LRCH1: variants seen among roughly 807,000 people sequenced by gnomAD.
The protein encoded by LRCH1 is leucine-rich repeat and calponin homology domain-containing protein 1.
A neutral mutation model predicts 94.9 loss-of-function variants in LRCH1; 23 were observed. That is an observed-to-expected ratio of 0.24 (90% CI 0.17 to 0.34). LRCH1 has a LOEUF of 0.34. Among genes scored for constraint, LRCH1 ranks in the 10% least tolerant of loss-of-function variants. The probability of loss-of-function intolerance (pLI) is 1.00; values close to 1 mark genes in which losing one functional copy is unlikely to be tolerated. For synonymous variants in LRCH1, 364 were observed against 354.9 expected (o/e 1.03, Z -0.29); for missense variants, 790 against 945.9 (o/e 0.84, Z 2.16).
At chr13:46,681,526 C>T (rs1012333050) in intron 3 of LRCH1, among the ~76,000 whole-genome samples, 3 of 152,110 alleles carry the variant, frequency 2.0e-5, no homozygotes, top group African/African-American at 7.2e-5. Context: ...CTACTAATGT[C>T]CACCCTTTCT....
chr13:46,565,812 AAATAATAATAATAAT>A (rs3068690), intron 1 of LRCH1, among the ~76,000 whole-genome samples: 24 of 140,146 alleles, frequency 1.7e-4, no homozygotes, highest in African/African-American at 2.4e-4. Context: ...TCTGTCTCCA[AAATAATAATAATAAT>A]AATAATAATA....
exon 19 of LRCH1, chr13:46,750,740 C>T (rs1173875815): frequency 1.2e-6 from 1 of 807,306 alleles, no homozygotes; most frequent in Non-Finnish European, 2.0e-6. Flanking sequence ...CTCTCTCCCA[C>T]CCACTGCCTG....
intron 1 of LRCH1, among the ~76,000 whole-genome samples, chr13:46,580,712 T>C (rs894566327): frequency 6.6e-6 from 1 of 152,184 alleles, no homozygotes; most frequent in African/African-American, 2.4e-5. Context: ...AGTGGAGAAA[T>C]GTGTCACTTG....
chr13:46,607,202 C>T (rs1489248577), intron 1 of LRCH1, among the ~76,000 whole-genome samples: 2 of 152,210 alleles, frequency 1.3e-5, no homozygotes, highest in African/African-American at 4.8e-5. Context: ...TGGCTGTTAA[C>T]TTGCCCTGTA....
chr13:46,656,323 A>C (rs973260839), intron 2 of LRCH1, among the ~76,000 whole-genome samples: 1 of 152,226 alleles, frequency 6.6e-6, no homozygotes, highest in African/African-American at 2.4e-5. Context: ...ATTGTAGGCT[A>C]GTGTTTCTTC....
chr13:46,644,959 A>C (rs1010584294), intron 1 of LRCH1, among the ~76,000 whole-genome samples: 6 of 152,186 alleles, frequency 3.9e-5, no homozygotes, highest in Admixed American at 6.5e-5. Context: ...AGCTAGCAGG[A>C]CTAATCTCAT....
At position 46,712,612 on chromosome 13, in the gene LRCH1, C is replaced by T; in HGVS notation, c.1654+15C>T. Reference sequence around the variant, plus strand: ...GCCTCGATCAGGTAAATGAAAACCTCAGCCCATTCTTACACTAAATAACTC... The same window carrying T: ...GCCTCGATCAGGTAAATGAAAACCTTAGCCCATTCTTACACTAAATAACTC... On this transcript the variant is annotated intron_variant, in intron 15 of 19. Coordinates refer to ENST00000389797, the MANE Select transcript of LRCH1 (RefSeq NM_001164211.2). 1 of 1,610,444 alleles carries T rather than the reference C, an allele frequency of 6.2e-7. No individual in the cohort carries two copies.
At chr13:46,638,823 G>A (rs186324042) in intron 1 of LRCH1, among the ~76,000 whole-genome samples, 1 of 152,268 alleles carries the variant, frequency 6.6e-6, no homozygotes, top group East Asian at 1.9e-4. Flanking sequence ...AATCACATAC[G>A]TGGACGTGCT....
At chr13:46,718,327 A>G (rs1472761144) in intron 16 of LRCH1, among the ~76,000 whole-genome samples, 1 of 152,216 alleles carries the variant, frequency 6.6e-6, no homozygotes, top group African/African-American at 2.4e-5. Flanking sequence ...TTTTTACAGT[A>G]ATCTTGCACT....
At chr13:46,699,032 A>G (rs1414939136) in intron 9 of LRCH1, among the ~76,000 whole-genome samples, 3 of 152,220 alleles carry the variant, frequency 2.0e-5, no homozygotes, top group Non-Finnish European at 4.4e-5. Flanking sequence ...GACACCTCAT[A>G]TAAGTGTAAT....
chr13:46,691,188 G>C (rs979559356), intron 7 of LRCH1, among the ~76,000 whole-genome samples: 1 of 152,172 alleles, frequency 6.6e-6, no homozygotes, highest in Non-Finnish European at 1.5e-5. Context: ...TTGAGATTTG[G>C]AAAGCTATTT....
intron 1 of LRCH1, among the ~76,000 whole-genome samples, chr13:46,583,422 T>C (rs995649389): frequency 4.6e-5 from 7 of 152,262 alleles, no homozygotes; most frequent in African/African-American, 1.7e-4. Context: ...TGATTGGGTA[T>C]GTCATAGCGT....
chr13:46,629,286 A>G lies in LRCH1; in HGVS notation c.308-20915A>G, dbSNP rs187494706. On this transcript the variant is annotated intron_variant, in intron 1 of 19. Transcript: ENST00000389797. ...ACCAAAGAACACTGATTGTCTTCTC[A>G]GGGTTTGTAGCCCATTTCTGTTTTT... 4.8e-4 allele frequency among the ~76,000 whole-genome samples: 68 copies of G among 142,124 alleles called. 1 individual carries two copies. In the East Asian group the frequency reaches 0.013, roughly 27 times the overall value. 93.2% of individuals were successfully genotyped at this position (142,124 alleles called of 152,430 possible). A position where few individuals can be genotyped will look rare whatever the true frequency, so the allele number is the denominator to read the frequency against.
chr13:46,563,932 A>C (rs1027961858), intron 1 of LRCH1, among the ~76,000 whole-genome samples: 2 of 152,102 alleles, frequency 1.3e-5, no homozygotes, highest in Non-Finnish European at 2.9e-5. Context: ...TGACATTGGG[A>C]TGAAGGGAAG....
chr13:46,715,871 A>G (rs1191728477), intron 16 of LRCH1, among the ~76,000 whole-genome samples: 1 of 152,030 alleles, frequency 6.6e-6, no homozygotes, highest in Non-Finnish European at 1.5e-5. Context: ...AATTAACTTG[A>G]CTATTCTGGA....
chr13:46,695,100 C>A, intron 9 of LRCH1, 83 bp downstream of exon 9: 1 of 1,516,426 alleles, frequency 6.6e-7, no homozygotes, highest in Non-Finnish European at 9.0e-7. Context: ...GGTTGCCAAT[C>A]CATCCCCTTC....
chr13:46,597,074 G>A (rs2050572121), intron 1 of LRCH1, among the ~76,000 whole-genome samples: 1 of 152,164 alleles, frequency 6.6e-6, no homozygotes, highest in African/African-American at 2.4e-5. Context: ...TGGCCTACTT[G>A]CTAAAATGTA....
At chr13:46,747,941 T>C (rs1873977946), downstream of LRCH1, among the ~76,000 whole-genome samples, 1 of 152,126 alleles carries the variant, frequency 6.6e-6, no homozygotes, top group Non-Finnish European at 1.5e-5. Context: ...GGGGTCTCAC[T>C]ATGTTGACCA....
intron 1 of LRCH1, among the ~76,000 whole-genome samples, chr13:46,567,855 G>A (rs2050201577): frequency 6.6e-6 from 1 of 152,142 alleles, no homozygotes. Flanking sequence ...TGCACCATGG[G>A]AGTTCTGAGA....
Sources: gnomAD v4.1 joint callset for allele counts (sites outside exome capture counted in the v4.1 genomes callset) on GRCh38, gnomAD v4.1.1 for gene constraint, MANE v1.5 for transcripts, NCBI Gene and HGNC (gene_info 2026-07-23, HGNC 2026-07-21) for gene names.